Variants in USP5 observed in about 807,000 individuals in gnomAD.
USP5 encodes the protein ubiquitin specific peptidase 5.
USP5 carries 24 observed loss-of-function variants against 102.5 expected under a neutral mutation model. The observed-to-expected ratio is 0.23, with a 90% CI of 0.17 to 0.33. USP5 has a LOEUF of 0.33. Among genes scored for constraint, USP5 ranks in the 10% least tolerant of loss-of-function variants. USP5 has a pLI of 1.00. For synonymous variants in USP5, 460 were observed against 434.8 expected, an observed-to-expected ratio of 1.06 and a Z score of -0.72; for missense variants, 753 against 1,122.1, an observed-to-expected ratio of 0.67 and a Z score of 4.70.
At position 6,864,334 on chromosome 12, in the gene USP5, T is replaced by G. The variant is rs782560542; in HGVS notation, c.2244+139T>G. On this transcript the variant is annotated intron_variant, in intron 17 of 19. Transcript: ENST00000229268. The surrounding 1 kb of genome is among the most constrained non-coding windows in gnomAD (Gnocchi z 4.8). ...GGGCACCACTCTTTTGTGGCTGCGA[T>G]GAAGGAGCTGAAGCCTGCGTTCACT... The G allele has an allele frequency of 4.0e-6, 5 of 1,238,192 alleles. No homozygotes were observed. Among genetic ancestry groups the G allele is most frequent in the Non-Finnish European group, 5.4e-6 (5 of 925,786 alleles). The allele number at this position is 1,238,192 out of a possible 1,614,324, so 76.7% of individuals were successfully genotyped here. A position where few individuals can be genotyped will look rare whatever the true frequency, so the allele number is the denominator to read the frequency against.
In USP5 at chr12:6,863,806, G is replaced by A. The variant is rs374755060; in HGVS notation, c.1955-24G>A. 1.0e-5 allele frequency: 16 copies of A among 1,551,548 alleles called. No homozygotes were observed. The Admixed American group carries it at 1.3e-4, about 13-fold the overall frequency. ...AAACAGTGGCCCAATCAGTCGGTCC[G>A]TGTACCCACAATTCCCATTACAGCG... is the stretch of plus-strand genomic sequence containing the variant. On this transcript the variant is annotated intron_variant, in intron 15 of 19. Transcript: ENST00000229268. The surrounding 1 kb of genome is among the most constrained non-coding windows in gnomAD (Gnocchi z 4.7).
Position 6,861,092 on chromosome 12 carries a change from C to T in USP5, c.1484C>T (p.Ala495Val). ...YIMQLPVPMD[A>V]ALNKEELLEY... ...ATGCAGCTGCCTGTGCCCATGGATGCAGCCCTTAACAAAGGTAGGCTGCTC... is the reference window on the plus strand; with the variant it reads ...ATGCAGCTGCCTGTGCCCATGGATGTAGCCCTTAACAAAGGTAGGCTGCTC... The change falls in exon 12 of 20, where the codon GCA becomes GTA. Residue 495 changes from alanine to valine, a missense_variant. Ala to Val is a moderately conservative substitution (Grantham distance 64). Coordinates refer to ENST00000229268, the MANE Select transcript of USP5 (RefSeq NM_001098536.2). This position sits in a 1 kb window ranked among gnomAD's most constrained non-coding sequence, Gnocchi z 4.9. The T allele has an allele frequency of 1.9e-6, 3 of 1,614,182 alleles. No homozygotes were observed. The highest frequency in any genetic ancestry group is 2.5e-6 in the Non-Finnish European group (3 of 1,180,024).
chr12:6,857,831 C>T, intron 7 of USP5, 108 bp downstream of exon 7: 2 of 1,036,942 alleles, frequency 1.9e-6, no homozygotes, highest in East Asian at 4.8e-5. Context: ...TAGTTAACCC[C>T]ATCCCCAAGA....
chr12:6,863,922 A>G lies in USP5; in HGVS notation c.2047A>G (p.Ser683Gly). 1.2e-6 allele frequency: 2 copies of G among 1,610,236 alleles called. No homozygotes were observed. Among genetic ancestry groups the G allele is most frequent in the Non-Finnish European group, 1.7e-6 (2 of 1,177,452 alleles). ...CAAAGCTGTCTACTACACGGGCAAC[A>G]GCGGGGCTGAGGCCGCCATGAACTG... Reference protein sequence around the residue: ...CRKAVYYTGNSGAEAAMNWVM... With the variant: ...CRKAVYYTGNGGAEAAMNWVM... Residue 683 changes from serine (S) to glycine (G), a missense_variant, in exon 16 of 20, where the codon AGC (serine) becomes GGC (glycine). By Grantham distance (56) the Ser-to-Gly change is moderately conservative. Coordinates refer to ENST00000229268, the MANE Select transcript of USP5 (RefSeq NM_001098536.2). The surrounding 1 kb of genome is among the most constrained non-coding windows in gnomAD (Gnocchi z 4.7).
rs113208756 is a variant in USP5 at position 6,858,857 on chromosome 12, TA to T, written c.1058+252del. The T allele has an allele frequency of 0.11, 33,522 of 307,172 alleles. No individual in the cohort carries two copies. The highest frequency in any genetic ancestry group is 0.15 in the East Asian group (3,012 of 19,746). The allele number at this position is 307,172 out of a possible 1,614,324, so 19.0% of individuals were successfully genotyped here. On this transcript the variant is annotated intron_variant, in intron 8 of 19. Coordinates refer to ENST00000229268, the MANE Select transcript of USP5 (RefSeq NM_001098536.2). This position sits in a 1 kb window ranked among gnomAD's most constrained non-coding sequence, Gnocchi z 4.2. ...AACATAGCGAGACCCTGTCTTCTCT[TA>T]AAAAAAAAAAAGAATAATTCCTGTC...
At chr12:6,854,465 G>C (rs1327819891) in intron 1 of USP5, among the ~76,000 whole-genome samples, 1 of 152,078 alleles carries the variant, frequency 6.6e-6, no homozygotes, top group African/African-American at 2.4e-5. Context: ...TAAAAGAAAG[G>C]TCTTTTTCGC....
In USP5 at chr12:6,856,578, A is replaced by C; in HGVS notation, c.584+128A>C. On this transcript the variant is annotated intron_variant, in intron 5 of 19. Coordinates refer to ENST00000229268, the MANE Select transcript of USP5 (RefSeq NM_001098536.2). This position sits in a 1 kb window ranked among gnomAD's most constrained non-coding sequence, Gnocchi z 5.6. ...GAAGGGAAGCTTGGAAATGAACACG[A>C]CATGGGGATGGCCAGAGGAGAAGAG... 6.5e-7 allele frequency: 1 copy of C among 1,541,394 alleles called. No individual in the cohort carries two copies. The highest frequency in any genetic ancestry group is 8.7e-7 in the Non-Finnish European group (1 of 1,145,902).
At position 6,863,424 on chromosome 12, in the gene USP5, G is replaced by C; in HGVS notation, c.1954+47G>C. ...CTGTCTCTCTCCCGTGCTGATGGGG[G>C]CCTCTCTGCCTTGCATCCCCTGCCC... On this transcript the variant is annotated intron_variant, in intron 15 of 19. Coordinates refer to ENST00000229268, the MANE Select transcript of USP5 (RefSeq NM_001098536.2). The surrounding 1 kb of genome is among the most constrained non-coding windows in gnomAD (Gnocchi z 4.7). 6.4e-7 allele frequency: 1 copy of C among 1,573,680 alleles called. No individual in the cohort carries two copies. Among genetic ancestry groups the C allele is most frequent in the Non-Finnish European group, 8.7e-7 (1 of 1,153,676 alleles).
intron 14 of USP5, 76 bp downstream of exon 14, chr12:6,862,634 G>T: frequency 1.5e-6 from 2 of 1,326,070 alleles, no homozygotes; most frequent in Non-Finnish European, 2.1e-6. Context: ...ATAAACTAGT[G>T]TTTCTCAAAG....
In USP5 at chr12:6,860,301, T is replaced by A; in HGVS notation, c.1218+63T>A. Reference sequence around the variant, plus strand: ...TGTGGGGAAGCTGAGGTCTGGGAGATGTCTAAAGAAGGCCCCTGGATGGCC... The same window carrying A: ...TGTGGGGAAGCTGAGGTCTGGGAGAAGTCTAAAGAAGGCCCCTGGATGGCC... On this transcript the variant is annotated intron_variant, in intron 10 of 19. Coordinates refer to ENST00000229268, the MANE Select transcript of USP5 (RefSeq NM_001098536.2). The surrounding 1 kb of genome is among the most constrained non-coding windows in gnomAD (Gnocchi z 5.5). 2 of 1,612,566 alleles carry A rather than the reference T, an allele frequency of 1.2e-6. No individual in the cohort carries two copies. The highest frequency in any genetic ancestry group is 3.3e-5 in the Admixed American group (2 of 59,964).
In USP5 at chr12:6,860,069, A is replaced by G; in HGVS notation, c.1131-82A>G. The G allele has an allele frequency of 6.8e-7, 1 of 1,472,716 alleles. No homozygotes were observed. Among genetic ancestry groups the G allele is most frequent in the Non-Finnish European group, 9.3e-7 (1 of 1,072,118 alleles). 91.2% of individuals were successfully genotyped at this position (1,472,716 alleles called of 1,614,324 possible). On this transcript the variant is annotated intron_variant, in intron 9 of 19. Transcript: ENST00000229268. The surrounding 1 kb of genome is among the most constrained non-coding windows in gnomAD (Gnocchi z 5.5). ...ACGTTGTTGAGAGTTAGCTAGGGAGAGCCACGAGCAGGGGGTTGAGCTGGG... is the reference window on the plus strand; with the variant it reads ...ACGTTGTTGAGAGTTAGCTAGGGAGGGCCACGAGCAGGGGGTTGAGCTGGG...
chr12:6,861,184 G>A lies in USP5; in HGVS notation c.1498+78G>A. The A allele has an allele frequency of 6.3e-7, 1 of 1,578,196 alleles. No homozygotes were observed. The highest frequency in any genetic ancestry group is 8.6e-7 in the Non-Finnish European group (1 of 1,162,128). On this transcript the variant is annotated intron_variant, in intron 12 of 19. Coordinates refer to ENST00000229268, the MANE Select transcript of USP5 (RefSeq NM_001098536.2). This position sits in a 1 kb window ranked among gnomAD's most constrained non-coding sequence, Gnocchi z 4.9. Reference sequence around the variant, plus strand: ...AGGAATGCTTGGGCACCTCATGGGAGCACAGCCCAGGGAATGCCCTGCTTC... The same window carrying A: ...AGGAATGCTTGGGCACCTCATGGGAACACAGCCCAGGGAATGCCCTGCTTC...
In USP5 at chr12:6,864,802, A is replaced by G. The variant is rs202226777; in HGVS notation, c.2325A>G (p.Ser775=). 1.2e-6 allele frequency: 2 copies of G among 1,613,988 alleles called. No homozygotes were observed. The highest frequency in any genetic ancestry group is 1.3e-5 in the African/African-American group (1 of 75,046). ...DLDAEAAMDI[S]EGRSAADSIS... is the part of the protein sequence containing the mutation. ...ATGCTGAAGCTGCCATGGACATCTC[A>G]GAGGGCCGCTCAGCTGCCGACTCCA... The change falls in exon 18 of 20, where the codon TCA becomes TCG. Residue 775 remains serine, a synonymous_variant. Transcript: ENST00000229268. The surrounding 1 kb of genome is among the most constrained non-coding windows in gnomAD (Gnocchi z 4.8).
In USP5 at chr12:6,855,539, C is replaced by A. The variant is rs782049665; in HGVS notation, c.237+13C>A. 1 of 1,613,838 alleles carries A rather than the reference C, an allele frequency of 6.2e-7. No homozygotes were observed. Among genetic ancestry groups the A allele is most frequent in the Non-Finnish European group, 8.5e-7 (1 of 1,179,960 alleles). ...GACCCGGCGCCCGGTAGGAGCAGGG[C>A]TGGGGCAAGGCCTGGGTACATTGTC... On this transcript the variant is annotated intron_variant, in intron 2 of 19. Transcript: ENST00000229268. This position sits in a 1 kb window ranked among gnomAD's most constrained non-coding sequence, Gnocchi z 4.6.
intron 14 of USP5, 86 bp downstream of exon 14, chr12:6,862,644 G>A: frequency 7.8e-7 from 1 of 1,288,150 alleles, no homozygotes; most frequent in Non-Finnish European, 1.1e-6. Context: ...GTTTCTCAAA[G>A]TTTCCTCTGA....
chr12:6,858,662 C>A lies in USP5; in HGVS notation c.1058+45C>A. On this transcript the variant is annotated intron_variant, in intron 8 of 19. Coordinates refer to ENST00000229268, the MANE Select transcript of USP5 (RefSeq NM_001098536.2). The surrounding 1 kb of genome is among the most constrained non-coding windows in gnomAD (Gnocchi z 4.2). ...TCCCCAGGCCCCCTCCTGGTCAGCA[C>A]CCTCTGGGCATACTCCTCCTTCAGC... The A allele has an allele frequency of 6.5e-7, 1 of 1,547,484 alleles. No individual in the cohort carries two copies. Among genetic ancestry groups the A allele is most frequent in the Non-Finnish European group, 8.8e-7 (1 of 1,131,216 alleles).
In USP5 at chr12:6,864,326, G is replaced by A; in HGVS notation, c.2244+131G>A. 1 of 1,321,788 alleles carries A rather than the reference G, an allele frequency of 7.6e-7. No homozygotes were observed. The highest frequency in any genetic ancestry group is 1.0e-6 in the Non-Finnish European group (1 of 999,718). The allele number at this position is 1,321,788 out of a possible 1,614,324, so 81.9% of individuals were successfully genotyped here. A position where few individuals can be genotyped will look rare whatever the true frequency, so the allele number is the denominator to read the frequency against. Reference sequence around the variant, plus strand: ...CCGAGGTTGGGCACCACTCTTTTGTGGCTGCGATGAAGGAGCTGAAGCCTG... The same window carrying A: ...CCGAGGTTGGGCACCACTCTTTTGTAGCTGCGATGAAGGAGCTGAAGCCTG... On this transcript the variant is annotated intron_variant, in intron 17 of 19. Coordinates refer to ENST00000229268, the MANE Select transcript of USP5 (RefSeq NM_001098536.2). This position sits in a 1 kb window ranked among gnomAD's most constrained non-coding sequence, Gnocchi z 4.8.
At chr12:6,857,600 CCT>C (rs1555128607) in intron 6 of USP5, 27 bp from the exon 7 acceptor site, 1 of 1,604,472 alleles carries the variant, frequency 6.2e-7, no homozygotes, top group Non-Finnish European at 8.5e-7. Flanking sequence ...AGCCACTTCC[CCT>C]GATTCTCTTC....
chr12:6,857,037 A>C, intron 6 of USP5, 146 bp downstream of exon 6: 2 of 1,129,682 alleles, frequency 1.8e-6, no homozygotes, highest in Non-Finnish European at 2.5e-6. Context: ...TGCAATCCCA[A>C]CACTTTGGGA....
Sources: gnomAD v4.1 joint callset for allele counts (sites outside exome capture counted in the v4.1 genomes callset) on GRCh38, gnomAD v4.1.1 for gene constraint, Gnocchi (gnomAD v3.1) non-coding constraint, MANE v1.5 for transcripts, NCBI Gene and HGNC (gene_info 2026-07-23, HGNC 2026-07-21) for gene names.